RETREG1: variants seen among roughly 807,000 people sequenced by gnomAD.
RETREG1 encodes family with sequence similarity 134 member B.
In RETREG1, 44 loss-of-function variants were observed where a neutral mutation model predicts 54.8. The observed-to-expected ratio is 0.80, with a 90% CI of 0.63 to 1.03. The LOEUF is 1.03. Among genes scored for constraint, RETREG1 ranks in the 50% least tolerant of loss-of-function variants. RETREG1 has a pLI of 0.00. For synonymous variants in RETREG1, 217 were observed against 238.5 expected (o/e 0.91, Z 0.83); for missense variants, 554 against 605.1 (o/e 0.92, Z 0.89).
intron 2 of RETREG1, among the ~76,000 whole-genome samples, chr5:16,566,128 C>T (rs1040054484): frequency 6.6e-6 from 1 of 152,114 alleles, no homozygotes; most frequent in Admixed American, 6.5e-5. Context: ...CCAAGATAGG[C>T]AGTATAGGAA....
intron 3 of RETREG1, among the ~76,000 whole-genome samples, chr5:16,514,301 G>C (rs1470888001): frequency 6.6e-6 from 1 of 152,138 alleles, no homozygotes; most frequent in East Asian, 1.9e-4. Flanking sequence ...AAATACGGGA[G>C]AGCCCAAAGG....
chr5:16,567,857 A>G (rs930756117), intron 2 of RETREG1, among the ~76,000 whole-genome samples: 2 of 152,104 alleles, frequency 1.3e-5, no homozygotes, highest in Non-Finnish European at 2.9e-5. Context: ...GCCACTCAGG[A>G]GTCTGAGGTA....
chr5:16,603,350 G>C (rs73753728), intron 1 of RETREG1, among the ~76,000 whole-genome samples: 81 of 152,272 alleles, frequency 5.3e-4, no homozygotes, highest in African/African-American at 1.9e-3. Context: ...AACAAACACA[G>C]AGAAAAATTA....
chr5:16,510,374 G>T (rs886732277), intron 3 of RETREG1, among the ~76,000 whole-genome samples: 1 of 152,112 alleles, frequency 6.6e-6, no homozygotes, highest in African/African-American at 2.4e-5. Flanking sequence ...TGAAGGTCGG[G>T]GTGTGCGAGA....
chr5:16,592,262 A>G (rs1198713620), intron 1 of RETREG1, among the ~76,000 whole-genome samples: 5 of 152,258 alleles, frequency 3.3e-5, no homozygotes, highest in African/African-American at 1.2e-4. Flanking sequence ...ACACTTTTCA[A>G]AAGAAGGCAT....
chr5:16,553,326 T>TAA (rs1423802136), intron 3 of RETREG1, among the ~76,000 whole-genome samples: 45 of 56,732 alleles, frequency 7.9e-4, no homozygotes, highest in African/African-American at 2.2e-3. Context: ...AAAAAACGTG[T>TAA]AAGAAAAAAA....
Position 16,474,372 on chromosome 5 carries a change from C to T in RETREG1, c.*369G>A, listed in dbSNP as rs1268509408. ...ATTGTTAATATTTTTCAGTAAGTTA[C>T]AATAAACTGTTTTGCATGCTTGAAA... is the stretch of plus-strand genomic sequence containing the variant. On this transcript the variant is annotated 3_prime_UTR_variant, in exon 9 of 9. Coordinates refer to ENST00000306320, the MANE Select transcript of RETREG1 (RefSeq NM_001034850.3). 5.3e-6 allele frequency: 1 copy of T among 188,736 alleles called. No individual in the cohort carries two copies. The highest frequency in any genetic ancestry group is 1.1e-5 in the Non-Finnish European group (1 of 91,514). The allele number at this position is 188,736 out of a possible 1,614,324, so 11.7% of individuals were successfully genotyped here. A position where few individuals can be genotyped will look rare whatever the true frequency, so the allele number is the denominator to read the frequency against.
At chr5:16,562,140 AC>A (rs1741870944) in intron 3 of RETREG1, among the ~76,000 whole-genome samples, 1 of 151,958 alleles carries the variant, frequency 6.6e-6, no homozygotes, top group Non-Finnish European at 1.5e-5. Context: ...ACATGGAGAA[AC>A]CCCATCTCTA....
rs149816195 is a variant in RETREG1 at position 16,575,255 on chromosome 5, G to A, written c.321-3153C>T. On this transcript the variant is annotated intron_variant, in intron 1 of 8. Coordinates refer to ENST00000306320, the MANE Select transcript of RETREG1 (RefSeq NM_001034850.3). The stretch of plus-strand genomic sequence containing the variant: ...TTTAAATGCTGACTGTGAATCACTC[G>A]CCTGACTCAGGGCCCACTAATGAGC... 7.6e-3 allele frequency among the ~76,000 whole-genome samples: 1,155 copies of A among 152,028 alleles called. 11 individuals are homozygous for A. Among genetic ancestry groups the A allele is most frequent in the African/African-American group, 0.026 (1,066 of 41,450 alleles).
At chr5:16,535,956 G>T (rs1162504776) in intron 3 of RETREG1, among the ~76,000 whole-genome samples, 1 of 150,462 alleles carries the variant, frequency 6.6e-6, no homozygotes, top group Non-Finnish European at 1.5e-5. Flanking sequence ...AGTGGGAGCT[G>T]GGGTTCCTGT....
rs985438304 is a variant in RETREG1 at position 16,586,385 on chromosome 5, G to C, written c.321-14283C>G. Among the ~76,000 whole-genome samples, 5 of 152,220 alleles carry C rather than the reference G, an allele frequency of 3.3e-5. No individual in the cohort carries two copies. In the East Asian group the frequency reaches 9.7e-4, roughly 29 times the overall value. ...GAAACACCTCCATATCCTCTGCCTC[G>C]GTATTTTCATCTTTAAATTAAGGCA... is the stretch of plus-strand genomic sequence containing the variant. On this transcript the variant is annotated intron_variant, in intron 1 of 8. Coordinates refer to ENST00000306320, the MANE Select transcript of RETREG1 (RefSeq NM_001034850.3).
chr5:16,544,053 G>A (rs1386276282), intron 3 of RETREG1, among the ~76,000 whole-genome samples: 1 of 139,306 alleles, frequency 7.2e-6, no homozygotes, highest in Non-Finnish European at 1.5e-5. Context: ...TTGGCTCACT[G>A]CAACCTCCGC....
intron 3 of RETREG1, among the ~76,000 whole-genome samples, chr5:16,541,529 A>G (rs370254195): frequency 2.6e-5 from 4 of 152,116 alleles, no homozygotes; most frequent in African/African-American, 9.7e-5. Flanking sequence ...TCTACTAAAA[A>G]TACAAAAATT....
intron 3 of RETREG1, among the ~76,000 whole-genome samples, chr5:16,525,765 C>G (rs199802163): frequency 1.3e-4 from 2 of 15,538 alleles, no homozygotes; most frequent in Non-Finnish European, 3.4e-4. Context: ...TATATATACA[C>G]AGAGAGGGAG....
At chr5:16,511,570 AACCATGG>A (rs754842687) in intron 3 of RETREG1, among the ~76,000 whole-genome samples, 16 of 152,212 alleles carry the variant, frequency 1.1e-4, no homozygotes, top group Non-Finnish European at 2.2e-4. Context: ...TGCTTGTTCC[AACCATGG>A]AGTCCCCTTT....
intron 3 of RETREG1, among the ~76,000 whole-genome samples, chr5:16,556,839 AT>A (rs369859145): frequency 6.6e-6 from 1 of 151,796 alleles, no homozygotes; most frequent in Non-Finnish European, 1.5e-5. Context: ...GTTTCATTTT[AT>A]TTTTTTTGAG....
intron 3 of RETREG1, among the ~76,000 whole-genome samples, chr5:16,563,784 A>G (rs1741935771): frequency 6.6e-6 from 1 of 152,334 alleles, no homozygotes; most frequent in East Asian, 1.9e-4. Context: ...TATTTCTATC[A>G]ATTAGGCCTA....
intron 1 of RETREG1, among the ~76,000 whole-genome samples, chr5:16,590,788 A>G (rs1003620337): frequency 3.3e-5 from 5 of 151,052 alleles, no homozygotes; most frequent in Admixed American, 3.3e-4. Context: ...GGGTACACAC[A>G]CACAAACACA....
chr5:16,498,978 T>A (rs909342720), intron 3 of RETREG1, among the ~76,000 whole-genome samples: 6 of 152,300 alleles, frequency 3.9e-5, no homozygotes, highest in African/African-American at 1.4e-4. Flanking sequence ...ACTCTTGTAA[T>A]AACGCTTACC....
Sources: gnomAD v4.1 joint callset for allele counts (sites outside exome capture counted in the v4.1 genomes callset) on GRCh38, gnomAD v4.1.1 for gene constraint, MANE v1.5 for transcripts, NCBI Gene and HGNC (gene_info 2026-07-23, HGNC 2026-07-21) for gene names.